SPIN1: variants seen among roughly 807,000 people sequenced by gnomAD.
SPIN1 encodes the protein spindlin-1.
Under a neutral mutation model 26.0 loss-of-function variants are expected in SPIN1, and 3 were observed. That is an observed-to-expected ratio of 0.12 (90% confidence interval 0.05 to 0.30). SPIN1 has a LOEUF of 0.30. SPIN1 is among the 10% of genes least tolerant of loss of function. SPIN1 has a pLI of 1.00. For synonymous variants in SPIN1, 101 were observed against 116.5 expected (o/e 0.87, Z 0.86); for missense variants, 126 against 333.4 (o/e 0.38, Z 4.84).
chr9:88,451,242 T>C (rs1471053429), intron 3 of SPIN1, among the ~76,000 whole-genome samples: 2 of 152,102 alleles, frequency 1.3e-5, no homozygotes, highest in Non-Finnish European at 2.9e-5. Flanking sequence ...TCCTTCTGTC[T>C]CTTCCCAAGT....
chr9:88,466,050 TTAAA>T (rs1356340443), intron 4 of SPIN1, among the ~76,000 whole-genome samples: 5 of 152,246 alleles, frequency 3.3e-5, no homozygotes, highest in African/African-American at 4.8e-5. Context: ...ATAGGTATTT[TTAAA>T]TAAATGTTTC....
intron 1 of SPIN1, among the ~76,000 whole-genome samples, chr9:88,389,709 T>C (rs1033802777): frequency 6.6e-6 from 1 of 152,218 alleles, no homozygotes; most frequent in African/African-American, 2.4e-5. Flanking sequence ...TTACCTGTCT[T>C]AACTTTTTTT....
chr9:88,416,811 TG>T (rs1827575167), intron 1 of SPIN1: 1 of 152,022 alleles, frequency 6.6e-6, no homozygotes, highest in Non-Finnish European at 1.5e-5. Flanking sequence ...TTAATAGAGA[TG>T]GGGTTTTTCC....
intron 1 of SPIN1, among the ~76,000 whole-genome samples, chr9:88,406,292 ATTT>A (rs34100420): frequency 3.0e-5 from 4 of 135,406 alleles, no homozygotes; most frequent in Admixed American, 7.2e-5. Context: ...ATATACTAGA[ATTT>A]TTTTTTTTTT....
intron 1 of SPIN1, among the ~76,000 whole-genome samples, chr9:88,396,232 C>G (rs1817334087): frequency 6.7e-6 from 1 of 149,410 alleles, no homozygotes. Context: ...GAGTGAGACT[C>G]CATCTCAAAA....
chr9:88,447,264 T>G (rs1828270602), intron 2 of SPIN1, among the ~76,000 whole-genome samples: 1 of 152,202 alleles, frequency 6.6e-6, no homozygotes, highest in African/African-American at 2.4e-5. Context: ...TTTTAAGTGT[T>G]TTTATTTTCC....
chr9:88,466,641 A>G (rs540511368), intron 4 of SPIN1, among the ~76,000 whole-genome samples: 53 of 152,358 alleles, frequency 3.5e-4, no homozygotes, highest in Non-Finnish European at 3.7e-4. Flanking sequence ...ATAGCAATAC[A>G]TGTATCAAGA....
chr9:88,463,027 G>A (rs1467104468), intron 4 of SPIN1, among the ~76,000 whole-genome samples: 1 of 152,032 alleles, frequency 6.6e-6, no homozygotes, highest in Non-Finnish European at 1.5e-5. Context: ...CTGTTCTCTG[G>A]ACTCTGATGG....
At chr9:88,472,990 G>A (rs1357694144) in intron 5 of SPIN1, among the ~76,000 whole-genome samples, 3 of 152,152 alleles carry the variant, frequency 2.0e-5, no homozygotes, top group Admixed American at 6.5e-5. Flanking sequence ...TTAGCCATGC[G>A]TCAGTCATCT....
chr9:88,470,486 C>T (rs556112820), intron 5 of SPIN1, among the ~76,000 whole-genome samples: 3 of 152,236 alleles, frequency 2.0e-5, no homozygotes, highest in Admixed American at 1.3e-4. Context: ...GTTACTGTTA[C>T]TTTGATTCTG....
At chr9:88,436,477 GA>G (rs1172287618) in intron 2 of SPIN1, among the ~76,000 whole-genome samples, 3 of 152,072 alleles carry the variant, frequency 2.0e-5, no homozygotes, top group Admixed American at 2.0e-4. Context: ...ACATTTGCTG[GA>G]AGTTGATGAA....
At chr9:88,396,306 A>G (rs191387761) in intron 1 of SPIN1, among the ~76,000 whole-genome samples, 1 of 151,936 alleles carries the variant, frequency 6.6e-6, no homozygotes, top group East Asian at 1.9e-4. Context: ...AAAACTCTAA[A>G]TGGTGGCCAG....
At chr9:88,403,941 A>C (rs1827241517) in intron 1 of SPIN1, among the ~76,000 whole-genome samples, 1 of 152,128 alleles carries the variant, frequency 6.6e-6, no homozygotes, top group South Asian at 2.1e-4. Context: ...TTGTTAGGTG[A>C]GCATTATAGA....
At position 88,398,319 on chromosome 9, in the gene SPIN1, T is replaced by C. The variant is rs1827111142; in HGVS notation, c.-159+9781T>C. Among the ~76,000 whole-genome samples the C allele has an allele frequency of 2.0e-5, 3 of 152,044 alleles. No individual in the cohort carries two copies. The South Asian group carries it at 6.2e-4, about 32-fold the overall frequency. On this transcript the variant is annotated intron_variant, in intron 1 of 5. Coordinates refer to ENST00000375859, the MANE Select transcript of SPIN1 (RefSeq NM_006717.3). ...CTCTTGGTGCTTATCAGAATTACAATGTTATATTAGTTTATGTGATTTAAT... is the reference window on the plus strand; with the variant it reads ...CTCTTGGTGCTTATCAGAATTACAACGTTATATTAGTTTATGTGATTTAAT...
chr9:88,437,243 A>C (rs1167217704), intron 2 of SPIN1, among the ~76,000 whole-genome samples: 1 of 151,882 alleles, frequency 6.6e-6, no homozygotes, highest in Non-Finnish European at 1.5e-5. Flanking sequence ...CACACCTGTA[A>C]TCCCAGTATT....
intron 5 of SPIN1, among the ~76,000 whole-genome samples, chr9:88,468,850 CACT>C (rs1213718488): frequency 6.6e-6 from 1 of 152,130 alleles, no homozygotes; most frequent in Non-Finnish European, 1.5e-5. Context: ...TAATTATTAA[CACT>C]ACTACATATT....
intron 1 of SPIN1, chr9:88,411,221 C>G: frequency 8.5e-7 from 1 of 1,179,436 alleles, no homozygotes; most frequent in Non-Finnish European, 1.3e-6. Flanking sequence ...CACAAGTCTT[C>G]TGTTCACCTT....
intron 4 of SPIN1, among the ~76,000 whole-genome samples, chr9:88,463,202 G>A (rs565796040): frequency 6.6e-6 from 1 of 152,124 alleles, no homozygotes; most frequent in East Asian, 1.9e-4. Context: ...ACCAAAACGT[G>A]GTCTTTATTA....
chr9:88,426,538 G>T lies in SPIN1; in HGVS notation c.-2G>T. ...CTCCGCTGCTCACTTAAATACAGATGAATGAAGACCCCATTCGGAAAGACA... is the reference window on the plus strand; with the variant it reads ...CTCCGCTGCTCACTTAAATACAGATTAATGAAGACCCCATTCGGAAAGACA... On this transcript the variant is annotated 5_prime_UTR_variant, in exon 2 of 6. It removes an upstream start codon present in the reference 5' UTR. Transcript: ENST00000375859. 6.2e-7 allele frequency: 1 copy of T among 1,613,352 alleles called. No individual in the cohort carries two copies.
Sources: allele counts gnomAD v4.1 joint callset (sites outside exome capture counted in the v4.1 genomes callset), GRCh38; gene constraint gnomAD v4.1.1; transcripts MANE v1.5; gene names NCBI Gene and HGNC (gene_info 2026-07-23, HGNC 2026-07-21).